Variants in TRDN observed in about 807,000 individuals in gnomAD.
TRDN encodes triadin.
In TRDN, 161 loss-of-function variants were observed where a neutral mutation model predicts 149.7. That is an observed-to-expected ratio of 1.08 (90% CI 0.95 to 1.23). TRDN has a LOEUF of 1.23. Among genes scored for constraint, TRDN ranks in the 50% most tolerant of loss-of-function variants. TRDN has a pLI of 0.00. For synonymous variants in TRDN, 294 were observed against 250.5 expected (o/e 1.17, Z -1.64); for missense variants, 896 against 823.5 (o/e 1.09, Z -1.08).
intron 38 of TRDN, among the ~76,000 whole-genome samples, chr6:123,244,810 G>T (rs961281139): frequency 6.6e-6 from 1 of 152,088 alleles, no homozygotes; most frequent in Non-Finnish European, 1.5e-5. Context: ...CACCAAGGTT[G>T]AAATGAAAGA....
chr6:123,306,111 A>C (rs1309920489), intron 24 of TRDN, among the ~76,000 whole-genome samples: 1 of 152,116 alleles, frequency 6.6e-6, no homozygotes, highest in Non-Finnish European at 1.5e-5. Flanking sequence ...AATCTTTGTA[A>C]AGCCAACTCT....
At chr6:123,385,591 G>A (rs958133673) in intron 14 of TRDN, among the ~76,000 whole-genome samples, 5 of 152,052 alleles carry the variant, frequency 3.3e-5, no homozygotes, top group African/African-American at 4.8e-5. Context: ...TAGGAATTTT[G>A]CTTTGTTTTT....
At chr6:123,538,545 C>G (rs1780665199) in intron 4 of TRDN, among the ~76,000 whole-genome samples, 1 of 152,112 alleles carries the variant, frequency 6.6e-6, no homozygotes, top group Admixed American at 6.5e-5. Context: ...ACTCTCTCCC[C>G]CTTGAAGCAC....
chr6:123,624,903 A>T (rs530125733), intron 1 of TRDN, among the ~76,000 whole-genome samples: 1 of 152,156 alleles, frequency 6.6e-6, no homozygotes, highest in Non-Finnish European at 1.5e-5. Flanking sequence ...AATCAGAAAC[A>T]TGAAACATCC....
chr6:123,409,944 AAG>A (rs1016231506), intron 12 of TRDN, among the ~76,000 whole-genome samples: 1 of 152,190 alleles, frequency 6.6e-6, no homozygotes, highest in African/African-American at 2.4e-5. Context: ...TCATAATTGT[AAG>A]AGAGAGTGGG....
intron 12 of TRDN, among the ~76,000 whole-genome samples, chr6:123,427,781 T>C (rs937626174): frequency 6.6e-6 from 1 of 152,164 alleles, no homozygotes; most frequent in Non-Finnish European, 1.5e-5. Context: ...TTTTAAAATA[T>C]CTTTATTAAA....
intron 23 of TRDN, among the ~76,000 whole-genome samples, chr6:123,322,650 TTATTA>T (rs1779286996): frequency 1.5e-5 from 2 of 137,618 alleles, no homozygotes; most frequent in African/African-American, 2.7e-5. Flanking sequence ...ATTATTATTA[TTATTA>T]TTTTTGAGAC....
intron 33 of TRDN, among the ~76,000 whole-genome samples, chr6:123,261,503 T>G (rs1191313858): frequency 1.3e-5 from 2 of 151,036 alleles, no homozygotes; most frequent in Non-Finnish European, 3.0e-5. Flanking sequence ...ACCTGGAAAG[T>G]TTTTTTTAAA....
At chr6:123,422,033 T>C (rs1773927080) in intron 12 of TRDN, among the ~76,000 whole-genome samples, 1 of 152,024 alleles carries the variant, frequency 6.6e-6, no homozygotes, top group Non-Finnish European at 1.5e-5. Context: ...TATACATAAA[T>C]TAAAAACCAA....
intron 13 of TRDN, among the ~76,000 whole-genome samples, chr6:123,392,326 G>T (rs185258938): frequency 6.6e-6 from 1 of 151,912 alleles, no homozygotes; most frequent in Non-Finnish European, 1.5e-5. Context: ...CCTCATGAAT[G>T]CCTCTAACAT....
At chr6:123,293,172 TACAAGTCTCACTTCCC>T (rs1778072888) in intron 24 of TRDN, among the ~76,000 whole-genome samples, 1 of 152,134 alleles carries the variant, frequency 6.6e-6, no homozygotes, top group Admixed American at 6.6e-5. Flanking sequence ...AATCACTCAC[TACAAGTCTCACTTCCC>T]ACATCTTACC....
At chr6:123,305,701 C>A (rs1277212707) in intron 24 of TRDN, among the ~76,000 whole-genome samples, 1 of 152,124 alleles carries the variant, frequency 6.6e-6, no homozygotes, top group Non-Finnish European at 1.5e-5. Context: ...CTCTTACACC[C>A]CTCAAGGCTG....
chr6:123,330,422 C>A (rs150961537), intron 23 of TRDN, among the ~76,000 whole-genome samples: 1 of 151,848 alleles, frequency 6.6e-6, no homozygotes, highest in Admixed American at 6.6e-5. Context: ...AAATGTAGCA[C>A]GATTTATCTG....
chr6:123,635,013 A>C (rs1786223784), intron 1 of TRDN, among the ~76,000 whole-genome samples: 1 of 151,948 alleles, frequency 6.6e-6, no homozygotes, highest in Non-Finnish European at 1.5e-5. Flanking sequence ...TTTTGAATCA[A>C]ATGCAAGTTC....
chr6:123,597,877 T>C (rs1299186439), intron 1 of TRDN, among the ~76,000 whole-genome samples: 1 of 152,172 alleles, frequency 6.6e-6, no homozygotes, highest in Non-Finnish European at 1.5e-5. Context: ...TTAGTGTGAT[T>C]TGTTTTAATG....
intron 38 of TRDN, among the ~76,000 whole-genome samples, chr6:123,237,246 C>A (rs182257937): frequency 2.3e-3 from 345 of 151,924 alleles, no homozygotes; most frequent in Non-Finnish European, 2.6e-3. Flanking sequence ...TAACTTTATA[C>A]CCTACTACTT....
chr6:123,314,493 G>A (rs967563981), intron 24 of TRDN, among the ~76,000 whole-genome samples: 1 of 151,914 alleles, frequency 6.6e-6, no homozygotes, highest in South Asian at 2.1e-4. Context: ...TCATCACTAG[G>A]TATATACCCA....
At chr6:123,289,653 T>C (rs946547371) in intron 24 of TRDN, among the ~76,000 whole-genome samples, 2 of 152,162 alleles carry the variant, frequency 1.3e-5, no homozygotes, top group Non-Finnish European at 2.9e-5. Context: ...TTCATAGAAA[T>C]GTCTGCATAA....
intron 13 of TRDN, among the ~76,000 whole-genome samples, chr6:123,391,188 C>A (rs538273035): frequency 3.0e-4 from 46 of 152,086 alleles, no homozygotes; most frequent in African/African-American, 1.1e-3. Flanking sequence ...CTAATTGGCT[C>A]CAAAAAAATT....
Sources: gnomAD v4.1 joint callset for allele counts (sites outside exome capture counted in the v4.1 genomes callset) on GRCh38, gnomAD v4.1.1 for gene constraint, MANE v1.5 for transcripts, NCBI Gene and HGNC (gene_info 2026-07-23, HGNC 2026-07-21) for gene names.